The following MYO9A variants were observed in gnomAD, a reference collection of about 807,000 sequenced individuals.
MYO9A encodes unconventional myosin-IXa.
A neutral mutation model predicts 293.3 loss-of-function variants in MYO9A; 103 were observed. That is an observed-to-expected ratio of 0.35 (90% CI 0.30 to 0.41). The LOEUF is 0.41. Among genes scored for constraint, MYO9A ranks in the 10% least tolerant of loss-of-function variants. MYO9A has a pLI of 1.00. For missense variants in MYO9A, 2,685 were observed against 3,033.0 expected (o/e 0.89, Z 2.69); for synonymous variants, 1,001 against 1,035.7 (o/e 0.97, Z 0.64).
At chr15:72,065,761 A>G (rs981182762) in intron 1 of MYO9A, among the ~76,000 whole-genome samples, 1 of 152,190 alleles carries the variant, frequency 6.6e-6, no homozygotes, top group African/African-American at 2.4e-5. Context: ...AAATAAGAAA[A>G]CTGCCCAATC....
At chr15:72,001,502 C>A (rs1425608506) in intron 8 of MYO9A, among the ~76,000 whole-genome samples, 1 of 137,784 alleles carries the variant, frequency 7.3e-6, no homozygotes, top group East Asian at 2.1e-4. Context: ...TGCAGTGAGC[C>A]GAGACCACAC....
At position 72,046,455 on chromosome 15, in the gene MYO9A, T is replaced by C. The variant is rs771151449; in HGVS notation, c.109A>G (p.Arg37Gly). The change falls in exon 2 of 42, where the codon AGA (arginine) becomes GGA (glycine). Residue 37 changes from arginine (R) to glycine (G), a missense_variant. This residue lies in a region of MYO9A where 67 missense variants were observed against 63.2 expected (regional missense o/e 1.06). Coordinates refer to ENST00000356056, the MANE Select transcript of MYO9A (RefSeq NM_006901.4). ...ACCTCAGCAGCTGTGGAGTTTTTTC[T>C]GGCAGGAATCGGACAGTAGATTGTC... Reference protein sequence around the residue: ...EGTIYCPIPARKNSTAAEVIE... With the variant: ...EGTIYCPIPAGKNSTAAEVIE... 3.7e-6 allele frequency: 6 copies of C among 1,614,222 alleles called. No individual in the cohort carries two copies. Among genetic ancestry groups the C allele is most frequent in the Middle Eastern group, 3.3e-4 (2 of 6,062 alleles).
chr15:71,916,414 A>G lies in MYO9A; in HGVS notation c.2641T>C (p.Leu881=). 5.6e-6 allele frequency: 9 copies of G among 1,613,548 alleles called. No homozygotes were observed. The highest frequency in any genetic ancestry group is 7.6e-6 in the Non-Finnish European group (9 of 1,179,816). ...CTGGGAGGTTTTTTCTTCTTGTGTA[A>G]ATGAAGAAGAGACTTGGTAATGCGA... The part of the protein sequence containing the change: ...QDRITKSLLH[L]HKKKKPPSIS... The change falls in exon 19 of 42, where the codon TTA becomes CTA. Residue 881 remains leucine, a synonymous_variant. Transcript: ENST00000356056.
chr15:71,898,533 T>C lies in MYO9A; in HGVS notation c.3970A>G (p.Ser1324Gly). ...GLQSPRGTPD[S>G]ESSQGSLELL... ...TCCAAGCTTCCTTGAGAGCTCTCAC[T>C]ATCAGGTGTACCCCGTGGAGACTGA... Residue 1324 changes from serine (S) to glycine (G), a missense_variant, in exon 25 of 42, where the codon AGT becomes GGT. Ser to Gly is a moderately conservative substitution (Grantham distance 56, BLOSUM62 0). Around this residue, in one of 10 missense-constraint regions of MYO9A, gnomAD observed 1,434 missense variants for 1,497.7 expected, o/e 0.96. Transcript: ENST00000356056. 1 of 1,614,026 alleles carries C rather than the reference T, an allele frequency of 6.2e-7. No homozygotes were observed. Among genetic ancestry groups the C allele is most frequent in the Non-Finnish European group, 8.5e-7 (1 of 1,179,998 alleles).
At chr15:71,965,262 A>G (rs1393255977) in intron 13 of MYO9A, among the ~76,000 whole-genome samples, 2 of 152,020 alleles carry the variant, frequency 1.3e-5, no homozygotes, top group Non-Finnish European at 2.9e-5. Context: ...TAACAGTGCT[A>G]TTTGTATTGA....
rs908067364 is a variant in MYO9A at position 71,933,602 on chromosome 15, T to C, written c.2562+68A>G. On this transcript the variant is annotated intron_variant, in intron 18 of 41. Coordinates refer to ENST00000356056, the MANE Select transcript of MYO9A (RefSeq NM_006901.4). ...TTTCTTGTTTTTTGATGTATGAAGA[T>C]TGTATGAGTAATAAAAAATAATTGT... 43 of 1,365,166 alleles carry C rather than the reference T, an allele frequency of 3.1e-5. No homozygotes were observed. The Admixed American group carries it at 7.3e-4, about 23-fold the overall frequency. 84.6% of individuals were successfully genotyped at this position (1,365,166 alleles called of 1,614,324 possible).
At chr15:71,879,182 T>C (rs1471090854) in intron 30 of MYO9A, among the ~76,000 whole-genome samples, 8 of 152,202 alleles carry the variant, frequency 5.3e-5, no homozygotes, top group Non-Finnish European at 1.0e-4. Flanking sequence ...TAAACACTAA[T>C]GCTTCTATAG....
chr15:72,072,304 T>C (rs996625335), intron 1 of MYO9A, among the ~76,000 whole-genome samples: 2 of 151,972 alleles, frequency 1.3e-5, no homozygotes, highest in African/African-American at 4.8e-5. Context: ...GCTAATTTTT[T>C]GTATTTTTAG....
chr15:71,830,364 A>G (rs1457541161), intron 39 of MYO9A, 53 bp from the exon 40 acceptor site: 1 of 1,523,462 alleles, frequency 6.6e-7, no homozygotes, highest in Non-Finnish European at 9.1e-7. Context: ...CATCAGTTTT[A>G]CATTGCTCTT....
At chr15:71,827,108 G>A (rs1230139684) in intron 41 of MYO9A, 65 bp from the exon 42 acceptor site, 2 of 1,213,978 alleles carry the variant, frequency 1.6e-6, no homozygotes, top group Non-Finnish European at 2.3e-6. Context: ...ATCATATAAT[G>A]AATAGATGCC....
chr15:71,851,298 C>A lies in MYO9A; in HGVS notation c.6536G>T (p.Arg2179Leu), dbSNP rs755715960. 1.2e-6 allele frequency: 2 copies of A among 1,613,864 alleles called. No individual in the cohort carries two copies. The change falls in exon 37 of 42, where the codon CGA becomes CTA. Residue 2179 changes from arginine (R) to leucine (L), a missense_variant. By Grantham distance (102) the Arg-to-Leu change is moderately radical (BLOSUM62 -2). Coordinates refer to ENST00000356056, the MANE Select transcript of MYO9A (RefSeq NM_006901.4). ...GCGTTCCAGTGTATTGAGATGAGTTCGGGAGAGTTGATCAATCACAGAGTA... is the reference window on the plus strand; with the variant it reads ...GCGTTCCAGTGTATTGAGATGAGTTAGGGAGAGTTGATCAATCACAGAGTA... ...GVYSVIDQLS[R>L]THLNTLERLI...
At chr15:71,867,075 AACACACAC>A (rs35264363) in intron 32 of MYO9A, among the ~76,000 whole-genome samples, 2 of 147,984 alleles carry the variant, frequency 1.4e-5, no homozygotes, top group Non-Finnish European at 3.0e-5. Context: ...CAAAAAACAA[AACACACAC>A]ACACACACAC....
intron 1 of MYO9A, among the ~76,000 whole-genome samples, chr15:72,101,981 G>C (rs2080362528): frequency 6.6e-6 from 1 of 151,866 alleles, no homozygotes; most frequent in South Asian, 2.1e-4. Flanking sequence ...ACCCCGTCTG[G>C]GAGGTGTGCC....
chr15:72,113,582 C>T (rs1486891190), intron 1 of MYO9A, among the ~76,000 whole-genome samples: 1 of 152,078 alleles, frequency 6.6e-6, no homozygotes, highest in Non-Finnish European at 1.5e-5. Context: ...GAAGATTATT[C>T]AATAGGAAAG....
At chr15:71,964,534 C>T (rs2075822362) in intron 13 of MYO9A, among the ~76,000 whole-genome samples, 2 of 151,134 alleles carry the variant, frequency 1.3e-5, no homozygotes, top group Admixed American at 1.3e-4. Context: ...GTAATCCCAG[C>T]ACTTTGGGAG....
At chr15:72,006,136 G>A (rs1458445599) in intron 8 of MYO9A, among the ~76,000 whole-genome samples, 1 of 151,984 alleles carries the variant, frequency 6.6e-6, no homozygotes, top group Non-Finnish European at 1.5e-5. Context: ...GGAGTGTAGT[G>A]GCACGATCTA....
At chr15:71,874,205 T>C (rs2056608634) in intron 32 of MYO9A, among the ~76,000 whole-genome samples, 1 of 152,184 alleles carries the variant, frequency 6.6e-6, no homozygotes, top group South Asian at 2.1e-4. Context: ...TGTAAAAAGA[T>C]TTGGGAATTT....
Position 71,830,973 on chromosome 15 carries a change from C to CT in MYO9A, c.6838-663dup, listed in dbSNP as rs67440366. ...GTGAAAATCTCATTGCTGCTTCTTC[C>CT]TTTTTTTTTTTTTTTTTTTTTTTTT... On this transcript the variant is annotated intron_variant, in intron 39 of 41. Transcript: ENST00000356056. Among the ~76,000 whole-genome samples, 951 of 103,068 alleles carry CT rather than the reference C, an allele frequency of 9.2e-3. 10 individuals are homozygous for CT. The highest frequency in any genetic ancestry group is 0.02 in the African/African-American group (520 of 25,634). 67.6% of individuals were successfully genotyped at this position (103,068 alleles called of 152,430 possible). A position where few individuals can be genotyped will look rare whatever the true frequency, so the allele number is the denominator to read the frequency against.
rs1175930334 is a variant in MYO9A, at chr15:72,046,447, G to GT, written c.116dup (p.Asn39LysfsTer6). On this transcript the variant is annotated frameshift_variant, in exon 2 of 42. Transcript: ENST00000356056. LOFTEE classifies it high-confidence loss of function. ...ACTCAATCACCTCAGCAGCTGTGGA[G>GT]TTTTTTCTGGCAGGAATCGGACAGT... The GT allele has an allele frequency of 6.2e-7, 1 of 1,614,086 alleles. No homozygotes were observed. The highest frequency in any genetic ancestry group is 8.5e-7 in the Non-Finnish European group (1 of 1,180,048).
Sources: gnomAD v4.1 joint callset for allele counts (sites outside exome capture counted in the v4.1 genomes callset) on GRCh38, gnomAD v4.1.1 for gene constraint, gnomAD v4.1.1 regional missense constraint, MANE v1.5 for transcripts, NCBI Gene and HGNC (gene_info 2026-07-23, HGNC 2026-07-21) for gene names.